The following FAT1 variants were observed in gnomAD, a reference collection of about 807,000 sequenced individuals.
The protein encoded by FAT1 is FAT atypical cadherin 1, also known as protocadherin Fat 1.
FAT1 carries 171 observed loss-of-function variants against 329.8 expected under a neutral mutation model. The ratio of observed to expected loss-of-function variants is 0.52; its 90% CI spans 0.46 to 0.59. FAT1 has a LOEUF of 0.59. FAT1 is among the 20% of genes least tolerant of loss of function. The pLI, the probability that FAT1 is intolerant of heterozygous loss-of-function variation, is 0.00. For synonymous variants in FAT1, 2,233 were observed against 2,228.6 expected, an observed-to-expected ratio of 1.00 and a Z score of -0.06; for missense variants, 5,672 against 5,774.4, an observed-to-expected ratio of 0.98 and a Z score of 0.57.
rs775673709 is a variant in FAT1, at chr4:186,707,722, A to G, written c.2106T>C (p.Ile702=). ...CATTGACAGAGTGAGAATCGAAGAA[A>G]ATATCCTCCACCTCTCCCTGGTTGT... ...KLHNQGEVED[I]FFDSHSVNAH... is the part of the protein sequence containing the mutation. Residue 702 remains isoleucine (I), a synonymous_variant, in exon 2 of 27, where the codon ATT becomes ATC. Coordinates refer to ENST00000441802, the MANE Select transcript of FAT1 (RefSeq NM_005245.4). 1.9e-6 allele frequency: 3 copies of G among 1,613,810 alleles called. No homozygotes were observed. Among genetic ancestry groups the G allele is most frequent in the Non-Finnish European group, 2.5e-6 (3 of 1,179,886 alleles).
chr4:186,637,160 C>T (rs553160804), intron 4 of FAT1, among the ~76,000 whole-genome samples: 41 of 152,210 alleles, frequency 2.7e-4, no homozygotes, highest in Admixed American at 5.9e-4. Flanking sequence ...CACCCCTGCG[C>T]GCCTTCCTGA....
chr4:186,695,884 C>A (rs905963784), intron 2 of FAT1, among the ~76,000 whole-genome samples: 5 of 152,104 alleles, frequency 3.3e-5, no homozygotes, highest in Admixed American at 3.3e-4. Context: ...CTCCAGCTCC[C>A]AGATTCAAGC....
chr4:186,604,489 G>C lies in FAT1; in HGVS notation c.10436C>G (p.Thr3479Ser), dbSNP rs1229458567. 2 of 1,613,684 alleles carry C rather than the reference G, an allele frequency of 1.2e-6. No individual in the cohort carries two copies. Among genetic ancestry groups the C allele is most frequent in the Non-Finnish European group, 1.7e-6 (2 of 1,179,734 alleles). ...CTTCTCATCATTTCCAGTTACAATAGTAAAGAAGAAGGGTGGACCGTTATG... is the reference window on the plus strand; with the variant it reads ...CTTCTCATCATTTCCAGTTACAATACTAAAGAAGAAGGGTGGACCGTTATG... Reference protein sequence around the residue: ...SSHNGPPFFFTIVTGNDEKAF... With the variant: ...SSHNGPPFFFSIVTGNDEKAF... The change falls in exon 18 of 27, where the codon ACT becomes AGT. Residue 3479 changes from threonine to serine, a missense_variant. Transcript: ENST00000441802.
Position 186,604,434 on chromosome 4 carries a change from G to C in FAT1, c.10491C>G (p.Leu3497=), listed in dbSNP as rs1438955280. 1 of 1,613,826 alleles carries C rather than the reference G, an allele frequency of 6.2e-7. No individual in the cohort carries two copies. Among genetic ancestry groups the C allele is most frequent in the African/African-American group, 1.3e-5 (1 of 74,910 alleles). ...TCCTCTTGATGGCAGATGATGTCAG[G>C]AGGACTCCTTGCGGGTTAACTTCAA... The part of the protein sequence containing the change: ...KAFEVNPQGV[L]LTSSAIKRKE... The change falls in exon 18 of 27, where the codon CTC becomes CTG. Residue 3497 remains leucine (L), a synonymous_variant. Transcript: ENST00000441802.
rs1391150545 is a variant in FAT1, at chr4:186,600,092, C to A, written c.11909G>T (p.Gly3970Val). 1.2e-6 allele frequency: 2 copies of A among 1,614,046 alleles called. No homozygotes were observed. The highest frequency in any genetic ancestry group is 1.7e-6 in the Non-Finnish European group (2 of 1,179,902). ...GTRHGRSPQV[G>V]NGFRGCMDSI... ...GTCCATACAACCCCTGAAACCATTA[C>A]CAACTTGAGGACTTCTTCCATGCCT... The change falls in exon 22 of 27, where the codon GGT (glycine) becomes GTT (valine). Residue 3970 changes from glycine to valine, a missense_variant. By Grantham distance (109) the Gly-to-Val change is moderately radical (BLOSUM62 -3). Coordinates refer to ENST00000441802, the MANE Select transcript of FAT1 (RefSeq NM_005245.4).
In FAT1 at chr4:186,596,999, C is replaced by T. The variant is rs2126393176; in HGVS notation, c.12541G>A (p.Glu4181Lys). 1 of 1,614,016 alleles carries T rather than the reference C, an allele frequency of 6.2e-7. No individual in the cohort carries two copies. Reference sequence around the variant, plus strand: ...ACAAACACAACGATTCCAATTCCTTCCGCCAACCCAATGTTCCACGGCGTG... The same window carrying T: ...ACAAACACAACGATTCCAATTCCTTTCGCCAACCCAATGTTCCACGGCGTG... ...VSTPWNIGLA[E>K]GIGIVVFVAG... Residue 4181 changes from glutamate (E) to lysine (K), a missense_variant, in exon 25 of 27, where the codon GAA becomes AAA. By Grantham distance (56) the Glu-to-Lys change is moderately conservative. Coordinates refer to ENST00000441802, the MANE Select transcript of FAT1 (RefSeq NM_005245.4). This position sits in a 1 kb window ranked among gnomAD's most constrained non-coding sequence, Gnocchi z 4.7.
Position 186,709,652 on chromosome 4 carries a change from A to G in FAT1, c.176T>C (p.Met59Thr), listed in dbSNP as rs1440080325. 6.2e-7 allele frequency: 1 copy of G among 1,613,908 alleles called. No individual in the cohort carries two copies. Among genetic ancestry groups the G allele is most frequent in the South Asian group, 1.1e-5 (1 of 91,074 alleles). The change falls in exon 2 of 27, where the codon ATG (methionine) becomes ACG (threonine). Residue 59 changes from methionine to threonine, a missense_variant. Physicochemically the swap from Met to Thr is moderately conservative, Grantham distance 81 (BLOSUM62 -1). Around this residue, in one of 2 missense-constraint regions of FAT1, gnomAD observed 3,966 missense variants for 3,915.2 expected, o/e 1.01. Coordinates refer to ENST00000441802, the MANE Select transcript of FAT1 (RefSeq NM_005245.4). ...AKTYVGHPVK[M>T]GVYITHPAWE... ...CGCTGGATGTGTAATGTAAACACCCATCTTGACAGGATGCCCCACATAAGT... is the reference window on the plus strand; with the variant it reads ...CGCTGGATGTGTAATGTAAACACCCGTCTTGACAGGATGCCCCACATAAGT...
At position 186,611,505 on chromosome 4, in the gene FAT1, A is replaced by G. The variant is rs758260235; in HGVS notation, c.9734T>C (p.Val3245Ala). 5.6e-6 allele frequency: 9 copies of G among 1,614,040 alleles called. No homozygotes were observed. In the East Asian group the frequency reaches 1.3e-4, roughly 24 times the overall value. ...YGATVSEDIL[V>A]GTEVLQVYAA... ...ATACACTTGAAGAACTTCAGTTCCA[A>G]CAAGAATGTCCTCAGACACGGTGGC... is the stretch of plus-strand genomic sequence containing the variant. Residue 3245 changes from valine to alanine, a missense_variant, in exon 14 of 27, where the codon GTT (valine) becomes GCT (alanine). Transcript: ENST00000441802.
At chr4:186,601,193 T>A in intron 21 of FAT1, 76 bp downstream of exon 21, 1 of 1,323,818 alleles carries the variant, frequency 7.6e-7, no homozygotes, top group Non-Finnish European at 1.0e-6. Context: ...TCTGTGCAAA[T>A]TAACAATCTG....
rs1366271860 is a variant in FAT1 at position 186,593,319 on chromosome 4, C to T, written c.13138+2370G>A. ...TACGAGTATAGGAGGAGACTCTGTC[C>T]GTCTGTTTCCTGTGTAAATTCCCTT... On this transcript the variant is annotated intron_variant, in intron 26 of 26. Coordinates refer to ENST00000441802, the MANE Select transcript of FAT1 (RefSeq NM_005245.4). Among the ~76,000 whole-genome samples, 4 of 152,118 alleles carry T rather than the reference C, an allele frequency of 2.6e-5. No individual in the cohort carries two copies. The East Asian group carries it at 5.8e-4, about 22-fold the overall frequency.
chr4:186,702,092 C>T (rs937494171), intron 2 of FAT1, among the ~76,000 whole-genome samples: 9 of 151,944 alleles, frequency 5.9e-5, no homozygotes, highest in African/African-American at 1.9e-4. Context: ...ACAGGTGACA[C>T]AGACATGAGG....
intron 9 of FAT1, 51 bp from the exon 10 acceptor site, chr4:186,621,826 G>A (rs1740065565): frequency 1.7e-6 from 2 of 1,144,028 alleles, no homozygotes; most frequent in African/African-American, 1.6e-5. Context: ...AGGGGCAGTA[G>A]TAGTAGTAGT....
At chr4:186,720,033 T>C (rs915610700) in intron 1 of FAT1, among the ~76,000 whole-genome samples, 2 of 152,218 alleles carry the variant, frequency 1.3e-5, no homozygotes, top group African/African-American at 2.4e-5. Flanking sequence ...CTCTAACTAA[T>C]TTCCTAATTT....
intron 2 of FAT1, among the ~76,000 whole-genome samples, chr4:186,668,402 C>A (rs1335781008): frequency 2.6e-5 from 4 of 152,172 alleles, no homozygotes; most frequent in Non-Finnish European, 5.9e-5. Context: ...CAAAATCAAG[C>A]ATTAGACTGG....
rs137887132 is a variant in FAT1 at position 186,697,309 on chromosome 4, AAC to A, written c.3265+9252_3265+9253del. Among the ~76,000 whole-genome samples the A allele has an allele frequency of 3.4e-3, 519 of 152,296 alleles. 3 individuals carry two copies. Among genetic ancestry groups the A allele is most frequent in the African/African-American group, 0.011 (464 of 41,580 alleles). ...TCTTTTCAACTGAAGGCAAATCAAAAACACAGTACTCACAGCACGCGAAAGCG... is the reference window on the plus strand; with the variant it reads ...TCTTTTCAACTGAAGGCAAATCAAAAACAGTACTCACAGCACGCGAAAGCG... On this transcript the variant is annotated intron_variant, in intron 2 of 26. Transcript: ENST00000441802.
At chr4:186,630,430 G>C (rs1159891451) in intron 7 of FAT1, among the ~76,000 whole-genome samples, 3 of 152,148 alleles carry the variant, frequency 2.0e-5, no homozygotes, top group Admixed American at 6.5e-5. Context: ...GAAGAAGGCA[G>C]AGTCAAATAC....
chr4:186,652,397 T>C (rs754094777), intron 3 of FAT1, among the ~76,000 whole-genome samples: 1 of 152,188 alleles, frequency 6.6e-6, no homozygotes, highest in Non-Finnish European at 1.5e-5. Context: ...AAAAACCAAA[T>C]GCTGACAGAA....
chr4:186,660,804 A>T (rs534831105), intron 3 of FAT1, among the ~76,000 whole-genome samples: 3 of 152,318 alleles, frequency 2.0e-5, no homozygotes, highest in Admixed American at 6.5e-5. Flanking sequence ...ACACATCATC[A>T]TTTCTGGGGT....
At position 186,623,094 on chromosome 4, in the gene FAT1, G is replaced by T. The variant is rs555144152; in HGVS notation, c.4811-1319C>A. 2.4e-4 allele frequency among the ~76,000 whole-genome samples: 37 copies of T among 152,290 alleles called. No homozygotes were observed. The South Asian group carries it at 2.9e-3, about 12-fold the overall frequency. ...ATCCACGGCCATTTTTTAGAGACCAGATCCAGCCTGCTTTTCATTAAGTCT... is the reference window on the plus strand; with the variant it reads ...ATCCACGGCCATTTTTTAGAGACCATATCCAGCCTGCTTTTCATTAAGTCT... On this transcript the variant is annotated intron_variant, in intron 9 of 26. Coordinates refer to ENST00000441802, the MANE Select transcript of FAT1 (RefSeq NM_005245.4).
Sources: allele counts gnomAD v4.1 joint callset (sites outside exome capture counted in the v4.1 genomes callset), GRCh38; gene constraint gnomAD v4.1.1; regional missense constraint gnomAD v4.1.1; non-coding constraint Gnocchi (gnomAD v3.1); transcripts MANE v1.5; gene names NCBI Gene and HGNC (gene_info 2026-07-23, HGNC 2026-07-21).